ADGRA2: variants seen among roughly 807,000 people sequenced by gnomAD.
The protein encoded by ADGRA2 is G-protein coupled receptor 124.
A neutral mutation model predicts 98.7 loss-of-function variants in ADGRA2; 61 were observed. The ratio of observed to expected loss-of-function variants is 0.62; its 90% CI spans 0.50 to 0.76. ADGRA2 has a LOEUF of 0.76. Ranked by LOEUF, ADGRA2 falls within the 30% of genes least tolerant of loss-of-function variation. The pLI is 0.00. For synonymous variants in ADGRA2, 858 were observed against 831.5 expected (o/e 1.03, Z -0.55); for missense variants, 1,712 against 1,860.0 (o/e 0.92, Z 1.46).
intron 2 of ADGRA2, among the ~76,000 whole-genome samples, chr8:37,815,839 C>T (rs1232399399): frequency 6.6e-6 from 1 of 152,200 alleles, no homozygotes; most frequent in Non-Finnish European, 1.5e-5. Flanking sequence ...GCCTGGACCA[C>T]AATTCTGGGT....
At chr8:37,805,462 T>C (rs1335819727) in intron 1 of ADGRA2, among the ~76,000 whole-genome samples, 1 of 152,152 alleles carries the variant, frequency 6.6e-6, no homozygotes, top group Non-Finnish European at 1.5e-5. Context: ...CTGCGCCGCG[T>C]GTGTTGGCCC....
At position 37,835,719 on chromosome 8, in the gene ADGRA2, G is replaced by C; in HGVS notation, c.1999G>C (p.Gly667Arg). The C allele has an allele frequency of 6.2e-7, 1 of 1,613,932 alleles. No homozygotes were observed. Among genetic ancestry groups the C allele is most frequent in the Non-Finnish European group, 8.5e-7 (1 of 1,179,974 alleles). The change falls in exon 13 of 19, where the codon GGG becomes CGG. Residue 667 changes from glycine (G) to arginine (R), a missense_variant. By Grantham distance (125) the Gly-to-Arg change is moderately radical. Coordinates refer to ENST00000412232, the MANE Select transcript of ADGRA2 (RefSeq NM_032777.10). Reference protein sequence around the residue: ...HSNTSRPGAAGPGKRRGVATP... With the variant: ...HSNTSRPGAARPGKRRGVATP... ...CAACACCTCCCGCCCTGGAGCTGCT[G>C]GGCCTGGCAAGAGGCGTGGCGTGGC...
chr8:37,804,584 T>C (rs190818134), intron 1 of ADGRA2, among the ~76,000 whole-genome samples: 27 of 152,318 alleles, frequency 1.8e-4, no homozygotes, highest in African/African-American at 5.5e-4. Flanking sequence ...ATAAAAACTG[T>C]TGGAACACCT....
chr8:37,816,537 A>AGCTG (rs1453574709), intron 2 of ADGRA2, among the ~76,000 whole-genome samples: 5 of 151,408 alleles, frequency 3.3e-5, no homozygotes, highest in African/African-American at 1.2e-4. Flanking sequence ...GGTTGCAGTA[A>AGCTG]GCTGAGATTG....
rs749674545 is a variant in ADGRA2, at chr8:37,828,906, C to T, written c.357C>T (p.Ile119=). ...LLEKLDLRNN[I]ISTVQPGAFL... The stretch of plus-strand genomic sequence containing the variant: ...TCTGCAGGGACCTGAGGAACAACAT[C>T]ATCAGCACAGTGCAGCCGGGCGCCT... Residue 119 remains isoleucine (I), a synonymous_variant, in exon 3 of 19, where the codon ATC becomes ATT. Transcript: ENST00000412232. 6.3e-7 allele frequency: 1 copy of T among 1,599,548 alleles called. No homozygotes were observed. The highest frequency in any genetic ancestry group is 8.5e-7 in the Non-Finnish European group (1 of 1,174,196).
At chr8:37,822,124 T>C (rs1805144325) in intron 2 of ADGRA2, among the ~76,000 whole-genome samples, 1 of 152,112 alleles carries the variant, frequency 6.6e-6, no homozygotes, top group African/African-American at 2.4e-5. Context: ...CTGTGGATTG[T>C]TATCAGAGAC....
rs1726602732 is a variant in ADGRA2, at chr8:37,835,357, A to T, written c.1792A>T (p.Thr598Ser). The T allele has an allele frequency of 6.2e-7, 1 of 1,611,192 alleles. No individual in the cohort carries two copies. The highest frequency in any genetic ancestry group is 8.5e-7 in the Non-Finnish European group (1 of 1,179,424). ...ADQQLRFRCT[T>S]GRPNVSLSSF... ...CCAGCAGCTCCGCTTCCGCTGCACC[A>T]CCGGGAGGCCCAATGTTTCTCTGTC... Residue 598 changes from threonine to serine, a missense_variant, in exon 12 of 19, where the codon ACC becomes TCC. By Grantham distance (58) the Thr-to-Ser change is moderately conservative. Transcript: ENST00000412232.
At chr8:37,827,144 C>T (rs1805305357) in intron 2 of ADGRA2, among the ~76,000 whole-genome samples, 1 of 152,242 alleles carries the variant, frequency 6.6e-6, no homozygotes, top group African/African-American at 2.4e-5. Flanking sequence ...CTGTGAGGCC[C>T]ATGAGCTCTA....
In ADGRA2 at chr8:37,836,851, G is replaced by A. The variant is rs145174801; in HGVS notation, c.2051-880G>A. ...AGAAGGCACTGCCACCCCACCGTGG[G>A]TTCCATCCTGTTCCTAGCACAGACT... is the stretch of plus-strand genomic sequence containing the variant. On this transcript the variant is annotated intron_variant, in intron 13 of 18. Coordinates refer to ENST00000412232, the MANE Select transcript of ADGRA2 (RefSeq NM_032777.10). Among the ~76,000 whole-genome samples, 709 of 152,296 alleles carry A rather than the reference G, an allele frequency of 4.7e-3. 12 individuals are homozygous for A. Among genetic ancestry groups the A allele is most frequent in the African/African-American group, 0.016 (680 of 41,540 alleles).
Position 37,834,430 on chromosome 8 carries a change from A to G in ADGRA2, c.1608+302A>G, listed in dbSNP as rs971420667. 6.6e-6 allele frequency among the ~76,000 whole-genome samples: 1 copy of G among 152,228 alleles called. No individual in the cohort carries two copies. The highest frequency in any genetic ancestry group is 6.5e-5 in the Admixed American group (1 of 15,286). ...AGGAAGGCTTGGTGGCAGGGCAGACAGCACTCGGGATTGAGTGAAGAGTAA... is the reference window on the plus strand; with the variant it reads ...AGGAAGGCTTGGTGGCAGGGCAGACGGCACTCGGGATTGAGTGAAGAGTAA... On this transcript the variant is annotated intron_variant, in intron 11 of 18. Transcript: ENST00000412232. The surrounding 1 kb of genome is among the most constrained non-coding windows in gnomAD (Gnocchi z 4.2).
In ADGRA2 at chr8:37,841,974, G is replaced by A. The variant is rs1349169280; in HGVS notation, c.3636G>A (p.Leu1212=). Residue 1212 remains leucine, a synonymous_variant, in exon 19 of 19, where the codon CTG becomes CTA. Transcript: ENST00000412232. This position sits in a 1 kb window ranked among gnomAD's most constrained non-coding sequence, Gnocchi z 5.0. Reference sequence around the variant, plus strand: ...TGCGCGGGGGCGCGGCGGGGGCGCTGGAGCTGCTGTCCAGCGAGAGCGGCA... The same window carrying A: ...TGCGCGGGGGCGCGGCGGGGGCGCTAGAGCTGCTGTCCAGCGAGAGCGGCA... ...KALRGGAAGA[L]ELLSSESGSL... is the part of the protein sequence containing the mutation. 6.7e-7 allele frequency: 1 copy of A among 1,503,036 alleles called. No homozygotes were observed. The highest frequency in any genetic ancestry group is 2.6e-5 in the East Asian group (1 of 38,400). 93.1% of individuals were successfully genotyped at this position (1,503,036 alleles called of 1,614,324 possible).
At position 37,834,140 on chromosome 8, in the gene ADGRA2, C is replaced by T. The variant is rs765702566; in HGVS notation, c.1608+12C>T. 1 of 1,603,194 alleles carries T rather than the reference C, an allele frequency of 6.2e-7. No individual in the cohort carries two copies. The highest frequency in any genetic ancestry group is 8.5e-7 in the Non-Finnish European group (1 of 1,174,660). On this transcript the variant is annotated intron_variant, in intron 11 of 18. Transcript: ENST00000412232. This position sits in a 1 kb window ranked among gnomAD's most constrained non-coding sequence, Gnocchi z 4.2. ...AGCACATCTCAGTGGTAATGGGGGT[C>T]AGCAGAGGGGGTGGCCCTGGCATGC...
In ADGRA2 at chr8:37,835,698, A is replaced by G; in HGVS notation, c.1978A>G (p.Thr660Ala). The change falls in exon 13 of 19, where the codon ACC becomes GCC. Residue 660 changes from threonine to alanine, a missense_variant. Transcript: ENST00000412232. Reference sequence around the variant, plus strand: ...CCGCCTCTTCCACAGCCACAGCAACACCTCCCGCCCTGGAGCTGCTGGGCC... The same window carrying G: ...CCGCCTCTTCCACAGCCACAGCAACGCCTCCCGCCCTGGAGCTGCTGGGCC... ...NGRLFHSHSNTSRPGAAGPGK... is the reference protein window; with the variant it reads ...NGRLFHSHSNASRPGAAGPGK... 6.2e-7 allele frequency: 1 copy of G among 1,612,998 alleles called. No homozygotes were observed. The highest frequency in any genetic ancestry group is 8.5e-7 in the Non-Finnish European group (1 of 1,179,786).
chr8:37,837,644 G>A, intron 13 of ADGRA2, 87 bp from the exon 14 acceptor site: 9 of 1,133,568 alleles, frequency 7.9e-6, no homozygotes, highest in Non-Finnish European at 1.0e-5. Flanking sequence ...TACACACCCT[G>A]TCACTGCTGC....
Position 37,797,409 on chromosome 8 carries a change from GGGGGA to G in ADGRA2, c.143_147del (p.Gly48AlafsTer35). The stretch of plus-strand genomic sequence containing the variant: ...TATCCATCCGCAGCTGCAAGTGCTC[GGGGGA>G]GCGGCCCAAGGGGCTGAGCGGCGGC... On this transcript the variant is annotated frameshift_variant, in exon 1 of 19. Transcript: ENST00000412232. LOFTEE classifies it high-confidence loss of function. The surrounding 1 kb of genome is among the most constrained non-coding windows in gnomAD (Gnocchi z 5.3). 1 of 1,432,082 alleles carries G rather than the reference GGGGGA, an allele frequency of 7.0e-7. No individual in the cohort carries two copies. 88.7% of individuals were successfully genotyped at this position (1,432,082 alleles called of 1,614,324 possible).
intron 13 of ADGRA2, among the ~76,000 whole-genome samples, chr8:37,836,037 CAACACA>C (rs1352705928): frequency 9.8e-6 from 1 of 102,378 alleles, no homozygotes; most frequent in Non-Finnish European, 1.9e-5. Flanking sequence ...TAGCCCCCTC[CAACACA>C]CACACACACA....
At chr8:37,810,930 C>T (rs1376494604) in intron 1 of ADGRA2, among the ~76,000 whole-genome samples, 2 of 151,222 alleles carry the variant, frequency 1.3e-5, no homozygotes, top group Non-Finnish European at 2.9e-5. Context: ...TCCTGGCTAA[C>T]ATAGTGAAAC....
Position 37,841,325 on chromosome 8 carries a change from GGAGCGCGC to G in ADGRA2, c.2991_2998del (p.Ala998GlyfsTer10). 6.2e-7 allele frequency: 1 copy of G among 1,606,738 alleles called. No homozygotes were observed. Among genetic ancestry groups the G allele is most frequent in the Non-Finnish European group, 8.5e-7 (1 of 1,176,890 alleles). On this transcript the variant is annotated frameshift_variant, in exon 19 of 19. Coordinates refer to ENST00000412232, the MANE Select transcript of ADGRA2 (RefSeq NM_032777.10). LOFTEE classifies it low-confidence loss of function (END_TRUNC). The surrounding 1 kb of genome is among the most constrained non-coding windows in gnomAD (Gnocchi z 5.0). ...GACTCAGGTTCCCTTCTTGCTACTG[GGAGCGCGC>G]GAGTGGGGACGCCCGGGCCCCCGGA...
chr8:37,833,642 C>T (rs769277311), intron 9 of ADGRA2, 46 bp from the exon 10 acceptor site: 2 of 1,600,968 alleles, frequency 1.2e-6, no homozygotes, highest in South Asian at 2.2e-5. Flanking sequence ...AGTTCGGGGG[C>T]AGAAGGAACA....
Sources: allele counts gnomAD v4.1 joint callset (sites outside exome capture counted in the v4.1 genomes callset), GRCh38; gene constraint gnomAD v4.1.1; non-coding constraint Gnocchi (gnomAD v3.1); transcripts MANE v1.5; gene names NCBI Gene and HGNC (gene_info 2026-07-23, HGNC 2026-07-21).